Variants in ST3GAL6 observed in about 807,000 individuals in gnomAD.
ST3GAL6 encodes the protein ST3 beta-galactoside alpha-2,3-sialyltransferase 6, also known as type 2 lactosamine alpha-2,3-sialyltransferase.
A neutral mutation model predicts 40.5 loss-of-function variants in ST3GAL6; 31 were observed. That is an observed-to-expected ratio of 0.77 (90% confidence interval 0.58 to 1.03). The LOEUF (loss-of-function observed/expected upper bound fraction) is 1.03. ST3GAL6 is among the 50% of genes least tolerant of loss of function. ST3GAL6 has a pLI of 0.00. For synonymous variants in ST3GAL6, 129 were observed against 136.9 expected, an observed-to-expected ratio of 0.94 and a Z score of 0.40; for missense variants, 357 against 393.2, an observed-to-expected ratio of 0.91 and a Z score of 0.78.
intron 1 of ST3GAL6, among the ~76,000 whole-genome samples, chr3:98,737,370 C>G (rs1480207755): frequency 6.6e-6 from 1 of 152,120 alleles, no homozygotes; most frequent in Non-Finnish European, 1.5e-5. Context: ...CTCTCTGTCT[C>G]TCTTTCTCTC....
intron 5 of ST3GAL6, chr3:98,782,895 AC>A (rs1156252807): frequency 2.6e-6 from 1 of 390,580 alleles, no homozygotes; most frequent in Non-Finnish European, 4.9e-6. Flanking sequence ...GATCTCAACA[AC>A]CCTCAGGATT....
At chr3:98,754,792 T>C (rs1189059481) in intron 1 of ST3GAL6, among the ~76,000 whole-genome samples, 1 of 152,202 alleles carries the variant, frequency 6.6e-6, no homozygotes, top group African/African-American at 2.4e-5. Flanking sequence ...AGCAAAAAGA[T>C]TATAACTCAG....
intron 1 of ST3GAL6, among the ~76,000 whole-genome samples, chr3:98,755,337 C>T (rs553328632): frequency 8.5e-5 from 13 of 152,272 alleles, no homozygotes; most frequent in African/African-American, 2.4e-4. Context: ...TGAGCCACCG[C>T]GCCCGGCCTG....
chr3:98,762,915 A>G (rs1027794722), upstream of ST3GAL6: 2 of 985,340 alleles, frequency 2.0e-6, no homozygotes, highest in African/African-American at 3.5e-5. Context: ...TGGTTAATAA[A>G]CTGTGCTATC....
chr3:98,791,833 T>G lies in ST3GAL6; in HGVS notation c.757-8T>G. 1.3e-6 allele frequency: 2 copies of G among 1,593,708 alleles called. No homozygotes were observed. Among genetic ancestry groups the G allele is most frequent in the Non-Finnish European group, 1.7e-6 (2 of 1,168,978 alleles). ...GCTTAAAAAAGTTTTTTTCATCCCCTCCCCCAGAAACCTAAACACCCAACA... is the reference window on the plus strand; with the variant it reads ...GCTTAAAAAAGTTTTTTTCATCCCCGCCCCCAGAAACCTAAACACCCAACA... On this transcript the variant is annotated splice_polypyrimidine_tract_variant and splice_region_variant and intron_variant, in intron 8 of 9. Transcript: ENST00000483910.
chr3:98,781,591 CT>C (rs2107283724), intron 5 of ST3GAL6, among the ~76,000 whole-genome samples: 1 of 152,086 alleles, frequency 6.6e-6, no homozygotes, highest in East Asian at 1.9e-4. Context: ...ATGCTGGTGG[CT>C]TGTTGGCCTT....
chr3:98,780,825 CCATCTGTAACT>C (rs1940033915), intron 5 of ST3GAL6, among the ~76,000 whole-genome samples: 1 of 152,152 alleles, frequency 6.6e-6, no homozygotes, highest in Non-Finnish European at 1.5e-5. Context: ...GGCTTGATGA[CCATCTGTAACT>C]CAGTGTGATA....
intron 1 of ST3GAL6, among the ~76,000 whole-genome samples, chr3:98,748,611 C>T (rs1475402941): frequency 1.3e-5 from 2 of 152,136 alleles, no homozygotes; most frequent in Non-Finnish European, 2.9e-5. Context: ...ATTACAGGCG[C>T]CTGCCACCAT....
intron 3 of ST3GAL6, chr3:98,771,216 T>C: frequency 7.6e-7 from 1 of 1,321,008 alleles, no homozygotes; most frequent in Non-Finnish European, 1.0e-6. Flanking sequence ...TCTATTTGTG[T>C]TTGATTATAA....
chr3:98,760,417 C>G (rs1937636870), upstream of ST3GAL6, among the ~76,000 whole-genome samples: 2 of 152,190 alleles, frequency 1.3e-5, no homozygotes, highest in South Asian at 4.1e-4. Context: ...TGCTTTAATT[C>G]TCGTAGCAGA....
chr3:98,739,391 A>AC (rs932570450), intron 1 of ST3GAL6, among the ~76,000 whole-genome samples: 150 of 147,268 alleles, frequency 1.0e-3, no homozygotes, highest in Admixed American at 5.3e-3. Flanking sequence ...AAACAAACAA[A>AC]AAAAAAACCC....
At chr3:98,781,453 T>C (rs1197555007) in intron 5 of ST3GAL6, among the ~76,000 whole-genome samples, 3 of 149,002 alleles carry the variant, frequency 2.0e-5, no homozygotes, top group Non-Finnish European at 4.4e-5. Context: ...GTTCTGCACA[T>C]GTATCCCAGA....
At chr3:98,751,268 T>C (rs888589523) in intron 1 of ST3GAL6, among the ~76,000 whole-genome samples, 2 of 152,132 alleles carry the variant, frequency 1.3e-5, no homozygotes, top group African/African-American at 2.4e-5. Flanking sequence ...TCTTTAGTAA[T>C]AAGTAATAGT....
Position 98,791,916 on chromosome 3 carries a change from G to T in ST3GAL6, c.832G>T (p.Gly278Cys). The T allele has an allele frequency of 6.2e-7, 1 of 1,613,928 alleles. No individual in the cohort carries two copies. The highest frequency in any genetic ancestry group is 1.1e-5 in the South Asian group (1 of 91,072). Residue 278 changes from glycine to cysteine, a missense_variant, in exon 9 of 10, where the codon GGT (glycine) becomes TGT (cysteine). Coordinates refer to ENST00000483910, the MANE Select transcript of ST3GAL6 (RefSeq NM_001323368.2). ...FYICHEVHLA[G>C]FKYNFSDLKS... The stretch of plus-strand genomic sequence containing the variant: ...CATATGTCACGAAGTTCACCTAGCT[G>T]GTTTTAAATACAACTTTTCTGACCT...
chr3:98,767,827 G>A (rs1420135692), intron 1 of ST3GAL6, among the ~76,000 whole-genome samples: 1 of 152,186 alleles, frequency 6.6e-6, no homozygotes, highest in Non-Finnish European at 1.5e-5. Context: ...AAACAAGCAA[G>A]TAGCTGAATA....
At chr3:98,762,325 A>G (rs946882319), upstream of ST3GAL6, among the ~76,000 whole-genome samples, 1 of 152,200 alleles carries the variant, frequency 6.6e-6, no homozygotes, top group Non-Finnish European at 1.5e-5. Context: ...ACAACTCAAT[A>G]TTTTTGGAGG....
Position 98,768,979 on chromosome 3 carries a change from C to T in ST3GAL6, c.89+450C>T, listed in dbSNP as rs1354116851. 2.0e-5 allele frequency among the ~76,000 whole-genome samples: 3 copies of T among 152,050 alleles called. No homozygotes were observed. The East Asian group carries it at 5.8e-4, about 29-fold the overall frequency. On this transcript the variant is annotated intron_variant, in intron 2 of 9. Transcript: ENST00000483910. ...TCTGAAATAGCTTTGACTTGAAATACCACATATAAAACTTTGAAGAGGCAC... is the reference window on the plus strand; with the variant it reads ...TCTGAAATAGCTTTGACTTGAAATATCACATATAAAACTTTGAAGAGGCAC...
chr3:98,793,920 T>C lies in ST3GAL6; in HGVS notation c.*159T>C. 1 of 410,190 alleles carries C rather than the reference T, an allele frequency of 2.4e-6. No individual in the cohort carries two copies. The allele number at this position is 410,190 out of a possible 1,614,324, so 25.4% of individuals were successfully genotyped here. ...ACCAGCTTAATTTCTGTGAATACTGTATATTTAACTTATGAAAACCAAGAA... is the reference window on the plus strand; with the variant it reads ...ACCAGCTTAATTTCTGTGAATACTGCATATTTAACTTATGAAAACCAAGAA... On this transcript the variant is annotated 3_prime_UTR_variant, in exon 10 of 10. Transcript: ENST00000483910.
chr3:98,778,641 C>G (rs1378291911), intron 5 of ST3GAL6, among the ~76,000 whole-genome samples: 6 of 152,176 alleles, frequency 3.9e-5, no homozygotes, highest in Non-Finnish European at 4.4e-5. Flanking sequence ...GAAATGGTCT[C>G]TTCCATCAGA....
Sources: gnomAD v4.1 joint callset for allele counts (sites outside exome capture counted in the v4.1 genomes callset) on GRCh38, gnomAD v4.1.1 for gene constraint, MANE v1.5 for transcripts, NCBI Gene and HGNC (gene_info 2026-07-23, HGNC 2026-07-21) for gene names.